The following VASH2 variants were observed in gnomAD, a reference collection of about 807,000 sequenced individuals.
VASH2 encodes vasohibin 2.
A neutral mutation model predicts 37.2 loss-of-function variants in VASH2; 28 were observed. That is an observed-to-expected ratio of 0.75 (90% CI 0.56 to 1.03). The LOEUF (loss-of-function observed/expected upper bound fraction) is 1.03. Ranked by LOEUF, VASH2 falls within the 50% of genes least tolerant of loss-of-function variation. VASH2 has a pLI of 0.00. For missense variants in VASH2, 419 were observed against 459.1 expected (o/e 0.91, Z 0.80); for synonymous variants, 188 against 174.7 (o/e 1.08, Z -0.60).
Position 212,951,789 on chromosome 1 carries a change from G to A in VASH2, c.247G>A (p.Ala83Thr). ...CCCTAAGGGGGGAGAAATGGTGGGC[G>A]CCATCAGGAACGCCGCCTTCTTGGC... Reference protein sequence around the residue: ...VHPKGGEMVGAIRNAAFLAKP... With the variant: ...VHPKGGEMVGTIRNAAFLAKP... Residue 83 changes from alanine (A) to threonine (T), a missense_variant, in exon 2 of 8, where the codon GCC becomes ACC. Coordinates refer to ENST00000517399, the MANE Select transcript of VASH2 (RefSeq NM_001301056.2). The surrounding 1 kb of genome is among the most constrained non-coding windows in gnomAD (Gnocchi z 4.4). The A allele has an allele frequency of 1.9e-6, 3 of 1,607,404 alleles. No homozygotes were observed. Among genetic ancestry groups the A allele is most frequent in the Non-Finnish European group, 2.5e-6 (3 of 1,178,314 alleles).
At chr1:212,985,198 CT>C (rs55804989) in intron 7 of VASH2, among the ~76,000 whole-genome samples, 3,260 of 100,748 alleles carry the variant, frequency 0.032, 78 homozygotes, top group African/African-American at 0.13. Context: ...ATTTTTTTTG[CT>C]TTTTTTTTTT....
chr1:212,968,940 C>T, intron 5 of VASH2: 1 of 985,418 alleles, frequency 1.0e-6, no homozygotes. Flanking sequence ...TAGTCTCATC[C>T]CTGCACAATT....
At chr1:212,955,908 A>G (rs1413331308) in intron 2 of VASH2, among the ~76,000 whole-genome samples, 1 of 152,152 alleles carries the variant, frequency 6.6e-6, no homozygotes, top group Non-Finnish European at 1.5e-5. Context: ...GGCCCTTCAC[A>G]GGTTCCTGGC....
At chr1:212,968,692 T>A in intron 5 of VASH2, 1 of 985,560 alleles carries the variant, frequency 1.0e-6, no homozygotes, top group Non-Finnish European at 1.2e-6. Context: ...GGGCAGCAGA[T>A]GGCTCAGGGC....
intron 5 of VASH2, chr1:212,967,400 A>T: frequency 8.4e-7 from 1 of 1,194,466 alleles, no homozygotes; most frequent in Admixed American, 3.4e-5. Context: ...AAGAGCAAAG[A>T]TGCTCCGAAG....
intron 3 of VASH2, among the ~76,000 whole-genome samples, chr1:212,963,868 C>T (rs1429755439): frequency 6.6e-6 from 1 of 151,960 alleles, no homozygotes; most frequent in African/African-American, 2.4e-5. Flanking sequence ...TGAATTTTTG[C>T]CAATTGAATT....
intron 5 of VASH2, chr1:212,969,111 T>TG (rs1261356955): frequency 1.0e-6 from 1 of 985,342 alleles, no homozygotes; most frequent in East Asian, 1.1e-4. Context: ...TGCAGGAAGG[T>TG]GGAGAGCTTC....
intron 5 of VASH2, chr1:212,968,987 C>A: frequency 1.0e-6 from 1 of 985,436 alleles, no homozygotes; most frequent in Non-Finnish European, 1.2e-6. Context: ...GAATCACCCA[C>A]GACCTTTTGG....
chr1:212,961,418 T>C (rs1165003898), intron 3 of VASH2, 164 bp downstream of exon 3: 1 of 1,454,966 alleles, frequency 6.9e-7, no homozygotes, highest in African/African-American at 1.4e-5. Flanking sequence ...AGAGTGTGCG[T>C]GGAGGTTGTC....
At chr1:212,964,464 C>T (rs970476687) in intron 3 of VASH2, among the ~76,000 whole-genome samples, 2 of 152,160 alleles carry the variant, frequency 1.3e-5, no homozygotes, top group African/African-American at 2.4e-5. Flanking sequence ...GGCAGAAGAG[C>T]AAAACCTACA....
At chr1:212,973,799 T>C in intron 6 of VASH2, 156 bp from the exon 7 acceptor site, 2 of 1,410,342 alleles carry the variant, frequency 1.4e-6, no homozygotes, top group Non-Finnish European at 1.9e-6. Context: ...GGAATGTGTG[T>C]GTCTCCAGCC....
chr1:212,966,484 T>C, intron 5 of VASH2, 139 bp downstream of exon 5: 2 of 723,044 alleles, frequency 2.8e-6, no homozygotes, highest in East Asian at 5.5e-5. Flanking sequence ...CTCCTCTGGT[T>C]CATCTCTTTA....
intron 2 of VASH2, among the ~76,000 whole-genome samples, chr1:212,952,132 A>G (rs1666333709): frequency 6.6e-6 from 1 of 152,076 alleles, no homozygotes; most frequent in Non-Finnish European, 1.5e-5. Context: ...CCTTCAGCAA[A>G]AGCTAGAGCC....
intron 7 of VASH2, among the ~76,000 whole-genome samples, chr1:212,982,137 C>A (rs980209901): frequency 3.9e-5 from 6 of 152,204 alleles, no homozygotes; most frequent in African/African-American, 1.4e-4. Flanking sequence ...GAATGCAGAC[C>A]TGTCATTGGG....
At chr1:212,978,679 C>T (rs748061984) in intron 7 of VASH2, among the ~76,000 whole-genome samples, 2 of 152,232 alleles carry the variant, frequency 1.3e-5, no homozygotes, top group African/African-American at 2.4e-5. Flanking sequence ...TAAACTGCTC[C>T]CAGTAGGTCA....
At chr1:212,953,083 C>T (rs568029143) in intron 2 of VASH2, among the ~76,000 whole-genome samples, 9 of 152,184 alleles carry the variant, frequency 5.9e-5, no homozygotes, top group African/African-American at 1.9e-4. Context: ...AGTGAGGAGC[C>T]GAGAGCCCTT....
intron 2 of VASH2, among the ~76,000 whole-genome samples, chr1:212,957,617 C>CTTTTT (rs1056304168): frequency 7.3e-6 from 1 of 137,436 alleles, no homozygotes; most frequent in Non-Finnish European, 1.6e-5. Context: ...ACAGCTTACA[C>CTTTTT]TTTTTTTTTT....
chr1:212,972,094 A>G (rs114025669), intron 5 of VASH2, among the ~76,000 whole-genome samples: 3,244 of 152,206 alleles, frequency 0.021, 63 homozygotes, highest in Middle Eastern at 0.054. Context: ...TTCACATTTC[A>G]TTGCCACCTC....
At chr1:212,962,043 C>T (rs1293619503) in intron 3 of VASH2, among the ~76,000 whole-genome samples, 2 of 152,220 alleles carry the variant, frequency 1.3e-5, no homozygotes, top group Admixed American at 6.5e-5. Flanking sequence ...GGCTGGTGAC[C>T]TGCTTGGTTC....
Sources: gnomAD v4.1 joint callset for allele counts (sites outside exome capture counted in the v4.1 genomes callset) on GRCh38, gnomAD v4.1.1 for gene constraint, Gnocchi (gnomAD v3.1) non-coding constraint, MANE v1.5 for transcripts, NCBI Gene and HGNC (gene_info 2026-07-23, HGNC 2026-07-21) for gene names.